The following ANKRD44 variants were observed in gnomAD, a reference collection of about 807,000 sequenced individuals.
ANKRD44 encodes the protein ankyrin repeat domain 44.
ANKRD44 carries 35 observed loss-of-function variants against 116.0 expected under a neutral mutation model. The ratio of observed to expected loss-of-function variants is 0.30; its 90% confidence interval spans 0.23 to 0.40. The LOEUF (loss-of-function observed/expected upper bound fraction) is 0.40, where lower values mean the gene tolerates loss of function less well. ANKRD44 is among the 10% of genes least tolerant of loss of function. The pLI is 1.00. For synonymous variants in ANKRD44, 435 were observed against 461.8 expected, an observed-to-expected ratio of 0.94 and a Z score of 0.74; for missense variants, 1,014 against 1,242.6, an observed-to-expected ratio of 0.82 and a Z score of 2.77.
intron 21 of ANKRD44, among the ~76,000 whole-genome samples, chr2:196,979,554 C>CCTTTTTTTTTTTT (rs2075785197): frequency 6.7e-4 from 40 of 59,640 alleles, no homozygotes; most frequent in African/African-American, 2.4e-3. Context: ...AATAAGATGA[C>CCTTTTTTTTTTTT]TTTTTTTTTT....
intron 1 of ANKRD44, chr2:197,263,531 T>C: frequency 2.8e-6 from 1 of 353,418 alleles, no homozygotes; most frequent in Non-Finnish European, 5.4e-6. Flanking sequence ...CTCTTCCCCA[T>C]GTGAAGCAGC....
At chr2:197,188,047 C>T (rs946909666) in intron 1 of ANKRD44, among the ~76,000 whole-genome samples, 1 of 152,190 alleles carries the variant, frequency 6.6e-6, no homozygotes, top group Admixed American at 6.5e-5. Context: ...GAAATCATTC[C>T]CAAATGCCTC....
At chr2:197,243,953 A>C (rs2082139427) in intron 1 of ANKRD44, among the ~76,000 whole-genome samples, 1 of 152,224 alleles carries the variant, frequency 6.6e-6, no homozygotes, top group South Asian at 2.1e-4. Flanking sequence ...CAATCAGGGG[A>C]GTTAAGAAAT....
chr2:197,027,968 A>G (rs1001416588), intron 16 of ANKRD44, among the ~76,000 whole-genome samples: 3 of 152,138 alleles, frequency 2.0e-5, no homozygotes, highest in Non-Finnish European at 4.4e-5. Context: ...GAGATTACAC[A>G]GGCATGAGCC....
chr2:197,224,341 A>T (rs1274120390), intron 1 of ANKRD44, among the ~76,000 whole-genome samples: 1 of 152,220 alleles, frequency 6.6e-6, no homozygotes, highest in African/African-American at 2.4e-5. Context: ...AAATATAATA[A>T]TTTTAATGAT....
intron 19 of ANKRD44, among the ~76,000 whole-genome samples, chr2:197,008,420 C>T (rs1358580937): frequency 6.6e-6 from 1 of 152,202 alleles, no homozygotes; most frequent in Non-Finnish European, 1.5e-5. Flanking sequence ...TTCTGACTAT[C>T]ACACTGATTC....
intron 16 of ANKRD44, among the ~76,000 whole-genome samples, chr2:197,071,658 G>A (rs773973838): frequency 6.6e-6 from 1 of 152,156 alleles, no homozygotes. Flanking sequence ...AACTAAATAT[G>A]TATTCTCATG....
chr2:197,266,384 C>T (rs2082742087), intron 1 of ANKRD44, among the ~76,000 whole-genome samples: 1 of 152,148 alleles, frequency 6.6e-6, no homozygotes, highest in Non-Finnish European at 1.5e-5. Context: ...AAATTACATC[C>T]TTAAGAGAGC....
At chr2:197,237,751 GAA>G (rs2082007591) in intron 1 of ANKRD44, among the ~76,000 whole-genome samples, 1 of 152,232 alleles carries the variant, frequency 6.6e-6, no homozygotes, top group Non-Finnish European at 1.5e-5. Flanking sequence ...GATTTGGAAT[GAA>G]ATCAGCTCCT....
chr2:197,101,274 C>G (rs1371065726), intron 9 of ANKRD44, among the ~76,000 whole-genome samples: 2 of 151,932 alleles, frequency 1.3e-5, no homozygotes, highest in African/African-American at 4.8e-5. Context: ...TTATTGGAGC[C>G]CAAATCACGA....
At chr2:197,013,462 T>C in intron 18 of ANKRD44, 49 bp downstream of exon 18, 1 of 1,583,608 alleles carries the variant, frequency 6.3e-7, no homozygotes, top group South Asian at 1.1e-5. Context: ...TATTAAAACT[T>C]ACGAACAAGC....
At chr2:196,992,279 G>A (rs1488842851) in intron 27 of ANKRD44, among the ~76,000 whole-genome samples, 1 of 152,150 alleles carries the variant, frequency 6.6e-6, no homozygotes, top group Non-Finnish European at 1.5e-5. Flanking sequence ...CTGCCCTTTA[G>A]GACATCATTC....
At chr2:197,104,291 T>G (rs927160913) in intron 9 of ANKRD44, among the ~76,000 whole-genome samples, 2 of 152,142 alleles carry the variant, frequency 1.3e-5, no homozygotes, top group Non-Finnish European at 2.9e-5. Context: ...TGGCTAATTT[T>G]TGTATTTTTA....
At chr2:197,236,449 C>A (rs1169943263) in intron 1 of ANKRD44, among the ~76,000 whole-genome samples, 3 of 152,140 alleles carry the variant, frequency 2.0e-5, no homozygotes, top group African/African-American at 7.2e-5. Context: ...AGCAGGAGAA[C>A]ATATGCACAG....
At chr2:197,086,790 A>G in intron 12 of ANKRD44, 42 bp from the exon 13 acceptor site, 3 of 1,575,816 alleles carry the variant, frequency 1.9e-6, no homozygotes, top group Non-Finnish European at 2.6e-6. Context: ...GAAGAGATCA[A>G]TTACTGGCCT....
chr2:197,120,450 G>C (rs2078825591), intron 8 of ANKRD44, among the ~76,000 whole-genome samples: 3 of 152,140 alleles, frequency 2.0e-5, no homozygotes. Flanking sequence ...AAGAGTTTGA[G>C]ACCAGCCTGG....
intron 16 of ANKRD44, among the ~76,000 whole-genome samples, chr2:197,052,647 C>T (rs980431267): frequency 1.3e-5 from 2 of 152,036 alleles, no homozygotes; most frequent in African/African-American, 4.8e-5. Flanking sequence ...TATAGCTCTG[C>T]CAAATAATAC....
chr2:197,026,047 C>CAAAAAAAAAAAA (rs111706910), intron 16 of ANKRD44, among the ~76,000 whole-genome samples: 6 of 130,344 alleles, frequency 4.6e-5, no homozygotes, highest in East Asian at 2.4e-4. Flanking sequence ...TAAAAAGAAA[C>CAAAAAAAAAAAA]AAAAAAAAAA....
chr2:197,298,267 G>C (rs149042379), intron 1 of ANKRD44, among the ~76,000 whole-genome samples: 1 of 152,290 alleles, frequency 6.6e-6, no homozygotes, highest in Non-Finnish European at 1.5e-5. Flanking sequence ...GGCAACTCTA[G>C]TATCTAAATT....
Sources: gnomAD v4.1 joint callset for allele counts (sites outside exome capture counted in the v4.1 genomes callset) on GRCh38, gnomAD v4.1.1 for gene constraint, MANE v1.5 for transcripts, NCBI Gene and HGNC (gene_info 2026-07-23, HGNC 2026-07-21) for gene names.